Variants in ABCC1 observed in about 807,000 individuals in gnomAD.
ABCC1 encodes ATP binding cassette subfamily C member 1 (ABCC1 blood group).
Under a neutral mutation model 172.9 loss-of-function variants are expected in ABCC1, and 83 were observed. The ratio of observed to expected loss-of-function variants is 0.48; its 90% CI spans 0.40 to 0.58. ABCC1 has a LOEUF of 0.58. Among genes scored for constraint, ABCC1 ranks in the 20% least tolerant of loss-of-function variants. The pLI is 0.00. For missense variants in ABCC1, 1,817 were observed against 2,002.7 expected, an observed-to-expected ratio of 0.91 and a Z score of 1.77; for synonymous variants, 937 against 825.2, an observed-to-expected ratio of 1.14 and a Z score of -2.32.
chr16:15,964,955 G>C (rs1378477712), intron 1 of ABCC1, among the ~76,000 whole-genome samples: 1 of 152,078 alleles, frequency 6.6e-6, no homozygotes, highest in Non-Finnish European at 1.5e-5. Context: ...TTTCCTGTTA[G>C]TTTGTAAGGG....
intron 15 of ABCC1, among the ~76,000 whole-genome samples, chr16:16,077,609 G>T (rs2050629958): frequency 6.6e-6 from 1 of 152,126 alleles, no homozygotes; most frequent in Admixed American, 6.5e-5. Context: ...TGCCCACTCA[G>T]GCCCCATAAT....
At chr16:16,069,954 G>A (rs1893460282) in intron 13 of ABCC1, among the ~76,000 whole-genome samples, 1 of 152,154 alleles carries the variant, frequency 6.6e-6, no homozygotes, top group Non-Finnish European at 1.5e-5. Flanking sequence ...AACCTGGGAG[G>A]TGGAGGTTGC....
intron 12 of ABCC1, among the ~76,000 whole-genome samples, chr16:16,058,022 C>A (rs1428538568): frequency 1.3e-5 from 2 of 152,066 alleles, no homozygotes; most frequent in Non-Finnish European, 2.9e-5. Context: ...CCATTCCTTG[C>A]AAAAACAGGT....
chr16:16,140,729 C>T (rs952629625), intron 30 of ABCC1, among the ~76,000 whole-genome samples: 9 of 152,220 alleles, frequency 5.9e-5, no homozygotes, highest in African/African-American at 9.6e-5. Context: ...GTTCATTTTC[C>T]TGTTGTCTCT....
chr16:15,997,554 C>T (rs1017257258), intron 1 of ABCC1, among the ~76,000 whole-genome samples: 14 of 152,116 alleles, frequency 9.2e-5, no homozygotes, highest in Admixed American at 4.6e-4. Flanking sequence ...CGTGGTGGGC[C>T]TGGCTGGATT....
intron 14 of ABCC1, 152 bp downstream of exon 14, chr16:16,071,881 A>G: frequency 2.9e-6 from 2 of 692,122 alleles, no homozygotes; most frequent in South Asian, 1.8e-5. Context: ...AGGGTTCTGC[A>G]GAGCCTGCAG....
intron 9 of ABCC1, among the ~76,000 whole-genome samples, chr16:16,046,245 T>C (rs1020393531): frequency 6.6e-6 from 1 of 151,670 alleles, no homozygotes; most frequent in Non-Finnish European, 1.5e-5. Context: ...CTGTGAGTAA[T>C]TGAGTTTCTT....
At chr16:16,010,058 T>TTTTTTTTTTTTG (rs2047719924) in intron 3 of ABCC1, among the ~76,000 whole-genome samples, 157 bp downstream of exon 3, 1 of 137,826 alleles carries the variant, frequency 7.3e-6, no homozygotes, top group Non-Finnish European at 1.6e-5. Flanking sequence ...TTTTTTTTTT[T>TTTTTTTTTTTTG]TTAAAGACAT....
chr16:16,031,214 C>G (rs1044355689), intron 5 of ABCC1, among the ~76,000 whole-genome samples: 1 of 152,164 alleles, frequency 6.6e-6, no homozygotes, highest in Admixed American at 6.6e-5. Context: ...GAGAGTATGC[C>G]ACCTTATCGG....
At chr16:16,035,856 A>G (rs1307383791) in intron 6 of ABCC1, among the ~76,000 whole-genome samples, 3 of 151,786 alleles carry the variant, frequency 2.0e-5, no homozygotes, top group Admixed American at 6.6e-5. Flanking sequence ...GCTTATGCCT[A>G]TAATTCCAAG....
At chr16:15,977,501 A>C (rs2046521538) in intron 1 of ABCC1, among the ~76,000 whole-genome samples, 3 of 151,732 alleles carry the variant, frequency 2.0e-5, no homozygotes, top group African/African-American at 4.9e-5. Context: ...CTCCCAAAAT[A>C]CTGGGATTAT....
chr16:16,100,272 C>G (rs1449340029), intron 19 of ABCC1, among the ~76,000 whole-genome samples: 1 of 152,130 alleles, frequency 6.6e-6, no homozygotes, highest in Non-Finnish European at 1.5e-5. Context: ...GCAGAAGCTC[C>G]CAGCTGACCA....
chr16:16,083,173 T>C (rs1349309685), intron 16 of ABCC1, among the ~76,000 whole-genome samples, 193 bp from the exon 17 acceptor site: 1 of 152,224 alleles, frequency 6.6e-6, no homozygotes, highest in Non-Finnish European at 1.5e-5. Context: ...GTGATTCACC[T>C]GCTGTGGGTT....
At chr16:16,021,959 C>G (rs2048210864) in intron 5 of ABCC1, among the ~76,000 whole-genome samples, 1 of 152,160 alleles carries the variant, frequency 6.6e-6, no homozygotes, top group Non-Finnish European at 1.5e-5. Context: ...GCCCTGTGAT[C>G]TGGGGAGGAG....
intron 23 of ABCC1, among the ~76,000 whole-genome samples, chr16:16,119,679 A>G (rs1410345169): frequency 1.3e-5 from 2 of 152,226 alleles, no homozygotes; most frequent in Non-Finnish European, 2.9e-5. Context: ...TGACAGAGCG[A>G]GACTGTCTTA....
chr16:16,029,596 T>G (rs187759948), intron 5 of ABCC1, among the ~76,000 whole-genome samples: 1 of 152,380 alleles, frequency 6.6e-6, no homozygotes, highest in East Asian at 1.9e-4. Flanking sequence ...TGGATTTGTT[T>G]ATTTTAAATG....
At chr16:15,976,442 CAG>C (rs1240431763) in intron 1 of ABCC1, among the ~76,000 whole-genome samples, 8 of 152,076 alleles carry the variant, frequency 5.3e-5, no homozygotes, top group Non-Finnish European at 1.0e-4. Flanking sequence ...GGAAAGGAGG[CAG>C]AGAGAGGTGA....
At chr16:15,957,002 A>C (rs919119735) in intron 1 of ABCC1, among the ~76,000 whole-genome samples, 2 of 152,180 alleles carry the variant, frequency 1.3e-5, no homozygotes, top group African/African-American at 4.8e-5. Context: ...GATTTTAAGG[A>C]TGAAATAATC....
At chr16:16,012,411 G>C (rs2047818835) in intron 3 of ABCC1, among the ~76,000 whole-genome samples, 1 of 152,106 alleles carries the variant, frequency 6.6e-6, no homozygotes, top group South Asian at 2.1e-4. Flanking sequence ...GAGGGAATGA[G>C]AGAGTAAAGG....
Sources: gnomAD v4.1 joint callset for allele counts (sites outside exome capture counted in the v4.1 genomes callset) on GRCh38, gnomAD v4.1.1 for gene constraint, MANE v1.5 for transcripts, NCBI Gene and HGNC (gene_info 2026-07-23, HGNC 2026-07-21) for gene names.